RANBP2: variants seen among roughly 807,000 people sequenced by gnomAD.
RANBP2 encodes RAN binding protein 2, also known as E3 SUMO-protein ligase RanBP2.
A neutral mutation model predicts 303.6 loss-of-function variants in RANBP2; 57 were observed. The observed-to-expected ratio is 0.19, with a 90% CI of 0.15 to 0.23. RANBP2 has a LOEUF of 0.23. RANBP2 is among the 10% of genes least tolerant of loss of function. The pLI is 1.00. For synonymous variants in RANBP2, 1,167 were observed against 1,301.5 expected, an observed-to-expected ratio of 0.90 and a Z score of 2.23; for missense variants, 3,138 against 3,780.8, an observed-to-expected ratio of 0.83 and a Z score of 4.46.
chr2:109,221,789 C>T, the RANBP2 span, among the ~76,000 whole-genome samples: 1 of 151,950 alleles, frequency 6.6e-6, no homozygotes, highest in Non-Finnish European at 1.5e-5. Flanking sequence ...CTATGGAAAC[C>T]AGTAGGAAAG....
the RANBP2 span, among the ~76,000 whole-genome samples, chr2:109,433,220 T>A: frequency 2.0e-5 from 3 of 152,266 alleles, no homozygotes; most frequent in Admixed American, 1.3e-4. Flanking sequence ...TGTGTCATCA[T>A]ATATAGACGT....
At chr2:109,538,590 T>TA in the RANBP2 span, among the ~76,000 whole-genome samples, 1 of 152,202 alleles carries the variant, frequency 6.6e-6, no homozygotes, top group Non-Finnish European at 1.5e-5. Flanking sequence ...GATCTCGGCT[T>TA]ACCACGGCGG....
At chr2:109,197,504 C>G in the RANBP2 span, among the ~76,000 whole-genome samples, 2 of 151,248 alleles carry the variant, frequency 1.3e-5, no homozygotes, top group East Asian at 3.8e-4. Context: ...TTTGTGAAGG[C>G]TACTCAGGAG....
At chr2:109,084,627 C>T in the RANBP2 span, among the ~76,000 whole-genome samples, 1 of 152,138 alleles carries the variant, frequency 6.6e-6, no homozygotes, top group Admixed American at 6.5e-5. Context: ...AGTGGAGTGA[C>T]TCAGACTGCC....
chr2:109,498,800 G>A, the RANBP2 span, among the ~76,000 whole-genome samples: 17,963 of 152,254 alleles, frequency 0.12, 1,554 homozygotes, highest in East Asian at 0.3. Flanking sequence ...GGGTAAACAG[G>A]TGAATGGCTG....
the RANBP2 span, chr2:109,574,848 C>T: frequency 2.0e-6 from 2 of 990,022 alleles, no homozygotes; most frequent in Non-Finnish European, 2.8e-6. Context: ...AGTTTGAGGT[C>T]TATATTTTCA....
At chr2:109,548,224 C>T in the RANBP2 span, among the ~76,000 whole-genome samples, 11 of 151,878 alleles carry the variant, frequency 7.2e-5, no homozygotes, top group Admixed American at 3.3e-4. Flanking sequence ...TAGGAATCAG[C>T]TGTGTGCTGT....
the RANBP2 span, among the ~76,000 whole-genome samples, chr2:109,061,184 T>C: frequency 1.3e-5 from 2 of 152,088 alleles, no homozygotes; most frequent in Admixed American, 1.3e-4. Flanking sequence ...AGGAAAACCC[T>C]GGGAGCTGTG....
the RANBP2 span, among the ~76,000 whole-genome samples, chr2:109,011,983 T>C: frequency 6.6e-6 from 1 of 152,212 alleles, no homozygotes; most frequent in African/African-American, 2.4e-5. Flanking sequence ...CTGAGGACAC[T>C]AATGCCAGTG....
the RANBP2 span, among the ~76,000 whole-genome samples, chr2:109,385,010 C>A: frequency 2.6e-5 from 4 of 152,248 alleles, no homozygotes; most frequent in Non-Finnish European, 4.4e-5. Flanking sequence ...TGGGTCCACC[C>A]AGCCTCACAC....
the RANBP2 span, among the ~76,000 whole-genome samples, chr2:109,586,496 T>C: frequency 6.6e-6 from 1 of 152,102 alleles, no homozygotes; most frequent in East Asian, 1.9e-4. Flanking sequence ...AAGATGTCCA[T>C]TGGAGATTGG....
chr2:109,206,314 C>A, the RANBP2 span, among the ~76,000 whole-genome samples: 3 of 151,732 alleles, frequency 2.0e-5, no homozygotes, highest in East Asian at 3.9e-4. Context: ...CATGGTGAAA[C>A]CCTGTCTCTA....
the RANBP2 span, among the ~76,000 whole-genome samples, chr2:109,399,419 C>T: frequency 1.3e-5 from 2 of 151,778 alleles, no homozygotes; most frequent in Non-Finnish European, 1.5e-5. Context: ...TCTACAGATA[C>T]CTTCTATTTC....
the RANBP2 span, among the ~76,000 whole-genome samples, chr2:109,672,522 A>G: frequency 6.6e-6 from 1 of 152,242 alleles, no homozygotes; most frequent in Non-Finnish European, 1.5e-5. Context: ...ACAAGGCTTT[A>G]GTAACTGTTG....
chr2:109,280,764 C>T, the RANBP2 span, among the ~76,000 whole-genome samples: 3 of 152,192 alleles, frequency 2.0e-5, no homozygotes, highest in African/African-American at 2.4e-5. Flanking sequence ...GCATGAGCCT[C>T]GAGGGCGCTG....
chr2:108,779,742 G>A (rs1290472424), intron 25 of RANBP2, among the ~76,000 whole-genome samples: 1 of 152,138 alleles, frequency 6.6e-6, no homozygotes. Context: ...CCTTCTTGCA[G>A]GTATGCGAGA....
At chr2:109,078,826 C>CAA in the RANBP2 span, among the ~76,000 whole-genome samples, 1,225 of 105,410 alleles carry the variant, frequency 0.012, 12 homozygotes, top group East Asian at 0.049. Flanking sequence ...ACTAAAAATA[C>CAA]AAAAAAAAAA....
the RANBP2 span, among the ~76,000 whole-genome samples, chr2:109,362,951 G>A: frequency 2.6e-5 from 4 of 152,146 alleles, no homozygotes; most frequent in South Asian, 2.1e-4. Flanking sequence ...GCTTGTGTGT[G>A]TATATTTAAA....
the RANBP2 span, among the ~76,000 whole-genome samples, chr2:109,529,327 G>A: frequency 6.6e-6 from 1 of 152,228 alleles, no homozygotes; most frequent in African/African-American, 2.4e-5. Context: ...GTGCAGAGGA[G>A]GAGGAAGGGC....
Sources: gnomAD v4.1 joint callset for allele counts (sites outside exome capture counted in the v4.1 genomes callset) on GRCh38, gnomAD v4.1.1 for gene constraint, MANE v1.5 for transcripts, NCBI Gene and HGNC (gene_info 2026-07-23, HGNC 2026-07-21) for gene names.